The following ZC3H18 variants were observed in gnomAD, a reference collection of about 807,000 sequenced individuals.
The protein encoded by ZC3H18 is zinc finger CCCH domain-containing protein 18.
In ZC3H18, 8 loss-of-function variants were observed where a neutral mutation model predicts 106.1. The ratio of observed to expected loss-of-function variants is 0.08; its 90% CI spans 0.04 to 0.14. The LOEUF (loss-of-function observed/expected upper bound fraction) is 0.14. Ranked by LOEUF, ZC3H18 falls within the 10% of genes least tolerant of loss-of-function variation. The probability of loss-of-function intolerance (pLI) is 1.00; values close to 1 mark genes in which losing one functional copy is unlikely to be tolerated. For missense variants in ZC3H18, 1,318 were observed against 1,278.4 expected (o/e 1.03, Z -0.47); for synonymous variants, 635 against 522.1 (o/e 1.22, Z -2.95).
Position 88,622,181 on chromosome 16 carries a change from G to A in ZC3H18, c.1476-16G>A, listed in dbSNP as rs1306714057. 3 of 1,603,332 alleles carry A rather than the reference G, an allele frequency of 1.9e-6. No individual in the cohort carries two copies. Among genetic ancestry groups the A allele is most frequent in the Non-Finnish European group, 2.6e-6 (3 of 1,172,712 alleles). ...GGAAGGTGGCCTGAGAGTTGCTAAT[G>A]CCTCTGTAATTTCAGCCGCCAAGCT... On this transcript the variant is annotated splice_polypyrimidine_tract_variant and intron_variant, in intron 8 of 17. Coordinates refer to ENST00000301011, the MANE Select transcript of ZC3H18 (RefSeq NM_144604.4).
chr16:88,608,214 T>C (rs530369809), intron 6 of ZC3H18, among the ~76,000 whole-genome samples: 1 of 152,278 alleles, frequency 6.6e-6, no homozygotes, highest in East Asian at 1.9e-4. Context: ...AGTCAGGGGG[T>C]GCCTCCACAC....
At chr16:88,630,194 T>G in intron 16 of ZC3H18, 8 of 373,970 alleles carry the variant, frequency 2.1e-5, no homozygotes, top group Non-Finnish European at 2.4e-5. Flanking sequence ...TGAAGACCCA[T>G]GTGATAAATT....
In ZC3H18 at chr16:88,628,778, G is replaced by A. The variant is rs777430198; in HGVS notation, c.2490G>A (p.Arg830=). Residue 830 remains arginine, a synonymous_variant, in exon 16 of 18, where the codon AGG becomes AGA. Transcript: ENST00000301011. ...CCCAGGCGGCTGATAAAGGAAGCAG[G>A]AAGCGCTATGAACCATCAGACAAGG... ...LLNKAADKGS[R]KRYEPSDKDR... is the part of the protein sequence containing the mutation. The A allele has an allele frequency of 3.1e-6, 5 of 1,614,086 alleles. No individual in the cohort carries two copies. In the East Asian group the frequency reaches 1.1e-4, roughly 36 times the overall value.
rs1308743383 is a variant in ZC3H18, at chr16:88,577,675, G to A, written c.552G>A (p.Lys184=). 1 of 1,613,912 alleles carries A rather than the reference G, an allele frequency of 6.2e-7. No individual in the cohort carries two copies. Among genetic ancestry groups the A allele is most frequent in the South Asian group, 1.1e-5 (1 of 91,076 alleles). The part of the protein sequence containing the change: ...VGEKESLEAA[K]EKKKEDDDGE... ...AAAAGGAATCCCTGGAGGCTGCCAA[G>A]GAGAAAAAGAAAGAGGACGATGATG... The change falls in exon 2 of 18, where the codon AAG becomes AAA. Residue 184 remains lysine (K), a synonymous_variant. Transcript: ENST00000301011.
At chr16:88,574,094 T>C (rs1914584241) in intron 1 of ZC3H18, among the ~76,000 whole-genome samples, 2 of 152,094 alleles carry the variant, frequency 1.3e-5, no homozygotes, top group Admixed American at 6.5e-5. Context: ...GGGCTTGTCC[T>C]GAACTCCTGA....
At chr16:88,624,350 C>A (rs1906158871) in intron 11 of ZC3H18, 3 of 667,246 alleles carry the variant, frequency 4.5e-6, no homozygotes, top group Admixed American at 5.7e-5. Flanking sequence ...AGCCTGCTCT[C>A]CCCACTGCCT....
At chr16:88,624,178 A>G (rs1597358768) in intron 11 of ZC3H18, 116 bp downstream of exon 11, 26 of 1,433,050 alleles carry the variant, frequency 1.8e-5, no homozygotes, top group Non-Finnish European at 2.5e-5. Flanking sequence ...AGGATGCCTC[A>G]GGGGGCTGGC....
chr16:88,611,564 G>A (rs1597348223), intron 8 of ZC3H18, 28 bp downstream of exon 8: 1 of 1,545,660 alleles, frequency 6.5e-7, no homozygotes, highest in African/African-American at 1.4e-5. Context: ...AAGCCCAGGG[G>A]TGTGGGGGAG....
chr16:88,613,430 T>C (rs1037118781), intron 8 of ZC3H18, among the ~76,000 whole-genome samples: 13 of 152,242 alleles, frequency 8.5e-5, no homozygotes, highest in African/African-American at 3.1e-4. Flanking sequence ...CAAACTGTTG[T>C]GCAGAGCAGC....
At position 88,583,812 on chromosome 16, in the gene ZC3H18, G is replaced by A. The variant is rs188775521; in HGVS notation, c.604-2788G>A. Among the ~76,000 whole-genome samples, 87 of 152,178 alleles carry A rather than the reference G, an allele frequency of 5.7e-4. 1 individual carries two copies. Among genetic ancestry groups the A allele is most frequent in the South Asian group, 1.5e-3 (7 of 4,810 alleles). On this transcript the variant is annotated intron_variant, in intron 2 of 17. Coordinates refer to ENST00000301011, the MANE Select transcript of ZC3H18 (RefSeq NM_144604.4). The stretch of plus-strand genomic sequence containing the variant: ...GTTGAGAGCCCCACGGGCACCATCC[G>A]TTTTTAGGCCAATTTGTAGCTAGCT...
At chr16:88,605,722 A>C (rs1904980133) in intron 6 of ZC3H18, among the ~76,000 whole-genome samples, 1 of 152,232 alleles carries the variant, frequency 6.6e-6, no homozygotes, top group South Asian at 2.1e-4. Flanking sequence ...TTTCCTTGTC[A>C]CTGAAATGAA....
intron 15 of ZC3H18, among the ~76,000 whole-genome samples, chr16:88,628,356 T>C (rs1009349222): frequency 8.5e-5 from 13 of 152,140 alleles, no homozygotes; most frequent in Admixed American, 8.5e-4. Flanking sequence ...GAGGGCGTTC[T>C]CTTCGTGCCT....
At chr16:88,585,848 G>A (rs1915401151) in intron 2 of ZC3H18, among the ~76,000 whole-genome samples, 1 of 152,120 alleles carries the variant, frequency 6.6e-6, no homozygotes. Context: ...AGGGCTGGCT[G>A]GAAGAGGCCG....
chr16:88,583,854 T>C (rs1485181927), intron 2 of ZC3H18, among the ~76,000 whole-genome samples: 1 of 152,038 alleles, frequency 6.6e-6, no homozygotes, highest in Non-Finnish European at 1.5e-5. Context: ...CTCAGGCCCC[T>C]CCTTGTCCTC....
At chr16:88,587,665 C>G in intron 3 of ZC3H18, 1 of 1,462,414 alleles carries the variant, frequency 6.8e-7, no homozygotes. Context: ...TCCCCCTACT[C>G]CAGAGGCCAG....
chr16:88,582,548 T>G (rs1479134095), intron 2 of ZC3H18, among the ~76,000 whole-genome samples: 1 of 152,102 alleles, frequency 6.6e-6, no homozygotes, highest in Non-Finnish European at 1.5e-5. Flanking sequence ...CCACTTCAAG[T>G]GGGGTTCTCT....
chr16:88,623,368 G>A, intron 10 of ZC3H18, 24 bp downstream of exon 10: 1 of 1,609,608 alleles, frequency 6.2e-7, no homozygotes, highest in South Asian at 1.1e-5. Context: ...GCCCATGAAG[G>A]GCCCTCAGCA....
chr16:88,609,122 A>C (rs1048504028), intron 7 of ZC3H18, 71 bp downstream of exon 7: 2 of 1,254,462 alleles, frequency 1.6e-6, no homozygotes, highest in Non-Finnish European at 1.1e-6. Context: ...TTTTATTTAC[A>C]GTAAAAAATA....
At chr16:88,588,683 C>T (rs2142599959) in intron 3 of ZC3H18, among the ~76,000 whole-genome samples, 1 of 152,222 alleles carries the variant, frequency 6.6e-6, no homozygotes, top group African/African-American at 2.4e-5. Context: ...GAGTTTGAGA[C>T]CAGCCTGGGC....
Sources: gnomAD v4.1 joint callset for allele counts (sites outside exome capture counted in the v4.1 genomes callset) on GRCh38, gnomAD v4.1.1 for gene constraint, MANE v1.5 for transcripts, NCBI Gene and HGNC (gene_info 2026-07-23, HGNC 2026-07-21) for gene names.